GFM1: variants seen among roughly 807,000 people sequenced by gnomAD.
GFM1 encodes G elongation factor mitochondrial 1, also known as elongation factor G, mitochondrial.
A neutral mutation model predicts 96.2 loss-of-function variants in GFM1; 62 were observed. The ratio of observed to expected loss-of-function variants is 0.64; its 90% confidence interval spans 0.53 to 0.80. GFM1 has a LOEUF of 0.80. Ranked by LOEUF, GFM1 falls within the 30% of genes least tolerant of loss-of-function variation. The pLI is 0.00. For synonymous variants in GFM1, 282 were observed against 312.9 expected (o/e 0.90, Z 1.04); for missense variants, 852 against 916.6 (o/e 0.93, Z 0.91).
Position 158,646,274 on chromosome 3 carries a change from A to T in GFM1, c.344A>T (p.Asn115Ile), listed in dbSNP as rs779253646. The T allele has an allele frequency of 6.2e-7, 1 of 1,614,146 alleles. No individual in the cohort carries two copies. The highest frequency in any genetic ancestry group is 1.7e-5 in the Admixed American group (1 of 60,024). ...AATYTMWKDV[N>I]INIIDTPGHV... is the part of the protein sequence containing the mutation. ...ACTTACACCATGTGGAAAGATGTCA[A>T]TATTAACATTATAGATACTCCTGGT... Residue 115 changes from asparagine (N) to isoleucine (I), a missense_variant, in exon 3 of 18, where the codon AAT becomes ATT. Coordinates refer to ENST00000486715, the MANE Select transcript of GFM1 (RefSeq NM_024996.7).
At chr3:158,656,196 C>G (rs953214623) in intron 8 of GFM1, 2 of 226,292 alleles carry the variant, frequency 8.8e-6, no homozygotes, top group East Asian at 1.3e-4. Flanking sequence ...TCTTGTTGCC[C>G]AGGCTGGAGT....
In GFM1 at chr3:158,665,350, A is replaced by C. The variant is rs999686323; in HGVS notation, c.1394A>C (p.Lys465Thr). ...MKPSNKNDLE[K>T]FSKGIGRFTR... ...CTTCTTTTAAAGAACGATCTGGAAA[A>C]ATTTTCAAAAGGTATTGGCAGGTTT... is the stretch of plus-strand genomic sequence containing the variant. The change falls in exon 12 of 18, where the codon AAA becomes ACA. Residue 465 changes from lysine to threonine, a missense_variant. Transcript: ENST00000486715. 1.2e-6 allele frequency: 2 copies of C among 1,610,280 alleles called. No individual in the cohort carries two copies. Among genetic ancestry groups the C allele is most frequent in the Non-Finnish European group, 1.7e-6 (2 of 1,176,846 alleles).
chr3:158,681,979 C>A lies in GFM1; in HGVS notation c.1602-16C>A. 1 of 1,554,826 alleles carries A rather than the reference C, an allele frequency of 6.4e-7. No individual in the cohort carries two copies. The highest frequency in any genetic ancestry group is 1.2e-5 in the South Asian group (1 of 85,198). ...TTACATAATGCTCCATTTTTTTTTT[C>A]CTAAATCACTTTCAGGTTTGACTTT... On this transcript the variant is annotated splice_polypyrimidine_tract_variant and intron_variant, in intron 13 of 17. Transcript: ENST00000486715.
intron 16 of GFM1, chr3:158,690,644 T>C: frequency 2.8e-6 from 1 of 354,066 alleles, no homozygotes; most frequent in South Asian, 2.8e-5. Context: ...TTAGCTTTAT[T>C]TGCATAATTA....
At chr3:158,670,035 A>G (rs1724125192) in intron 13 of GFM1, among the ~76,000 whole-genome samples, 1 of 152,230 alleles carries the variant, frequency 6.6e-6, no homozygotes, top group Admixed American at 6.5e-5. Flanking sequence ...GTGTCTGGAT[A>G]TAAAATTAGA....
chr3:158,650,415 T>A (rs1378234923), intron 5 of GFM1: 2 of 245,380 alleles, frequency 8.2e-6, no homozygotes, highest in Admixed American at 4.6e-5. Context: ...ATATTTCTGT[T>A]GTCAGAAGTA....
intron 2 of GFM1, 89 bp downstream of exon 2, chr3:158,645,870 G>T (rs753680293): frequency 4.8e-6 from 6 of 1,239,606 alleles, no homozygotes; most frequent in Non-Finnish European, 7.1e-6. Context: ...AAACCTGAAA[G>T]ATTAAAACAA....
intron 12 of GFM1, 82 bp from the exon 13 acceptor site, chr3:158,666,222 A>G: frequency 1.1e-6 from 1 of 897,416 alleles, no homozygotes; most frequent in Non-Finnish European, 1.8e-6. Context: ...AGTGAATGCT[A>G]CTAAGATATA....
rs76593298 is a variant in GFM1 at position 158,682,472 on chromosome 3, A to T, written c.1764+315A>T. The T allele has an allele frequency of 6.0e-3, 1,813 of 300,520 alleles. 55 individuals are homozygous for T. In the East Asian group the frequency reaches 0.081, roughly 13 times the overall value. The allele number at this position is 300,520 out of a possible 1,614,324, so 18.6% of individuals were successfully genotyped here. On this transcript the variant is annotated intron_variant, in intron 14 of 17. Coordinates refer to ENST00000486715, the MANE Select transcript of GFM1 (RefSeq NM_024996.7). The stretch of plus-strand genomic sequence containing the variant: ...GTTCTTAGGGATTTATAAGAGTTTT[A>T]TGTGTACTATTGCAGCAGAATGATC...
intron 13 of GFM1, among the ~76,000 whole-genome samples, chr3:158,677,181 G>C (rs895488738): frequency 6.6e-6 from 1 of 152,186 alleles, no homozygotes; most frequent in African/African-American, 2.4e-5. Context: ...ATATAAGATA[G>C]CAAACTTCAT....
At chr3:158,666,803 G>T in intron 13 of GFM1, 1 of 1,525,778 alleles carries the variant, frequency 6.6e-7, no homozygotes, top group Non-Finnish European at 9.1e-7. Flanking sequence ...GGAAAACGTA[G>T]TTGGGTTTAT....
At chr3:158,691,030 G>A in intron 16 of GFM1, 109 bp from the exon 17 acceptor site, 1 of 760,432 alleles carries the variant, frequency 1.3e-6, no homozygotes, top group Non-Finnish European at 2.4e-6. Flanking sequence ...ACTAAGAGTA[G>A]TGAGCAGAAA....
intron 13 of GFM1, among the ~76,000 whole-genome samples, chr3:158,667,479 T>C (rs1723820878): frequency 6.6e-6 from 1 of 152,164 alleles, no homozygotes; most frequent in South Asian, 2.1e-4. Context: ...ATAACAGAAA[T>C]TCTCTTTTTG....
At chr3:158,675,064 G>T (rs1373974287) in intron 13 of GFM1, among the ~76,000 whole-genome samples, 1 of 152,022 alleles carries the variant, frequency 6.6e-6, no homozygotes, top group Non-Finnish European at 1.5e-5. Flanking sequence ...CAACGCAGGT[G>T]GGTCACGAGG....
chr3:158,681,902 A>G, intron 13 of GFM1, 93 bp from the exon 14 acceptor site: 1 of 1,078,536 alleles, frequency 9.3e-7, no homozygotes, highest in Admixed American at 2.2e-5. Context: ...TGAAAAAGTA[A>G]AAATAATCAA....
intron 8 of GFM1, chr3:158,655,946 C>T (rs184797315): frequency 3.2e-4 from 147 of 456,564 alleles, no homozygotes; most frequent in African/African-American, 2.1e-3. Context: ...TTGTTTCTCA[C>T]GAGATTGATA....
At chr3:158,644,979 GGT>G (rs1491388589) in intron 1 of GFM1, 24 of 299,632 alleles carry the variant, frequency 8.0e-5, no homozygotes, top group East Asian at 1.9e-4. Flanking sequence ...CCTTTTCTAA[GGT>G]TTTTTTTTTT....
Position 158,690,033 on chromosome 3 carries a change from C to T in GFM1, c.1910-130C>T, listed in dbSNP as rs1005799415. On this transcript the variant is annotated intron_variant, in intron 15 of 17. Coordinates refer to ENST00000486715, the MANE Select transcript of GFM1 (RefSeq NM_024996.7). ...TACTACAGGAAAAATGAGTCTAGGT[C>T]GAATATTTTAACCTTGCCGTTTGTG... 23 of 760,664 alleles carry T rather than the reference C, an allele frequency of 3.0e-5. No individual in the cohort carries two copies. The African/African-American group carries it at 3.5e-4, about 12-fold the overall frequency. 47.1% of individuals were successfully genotyped at this position (760,664 alleles called of 1,614,324 possible). A position where few individuals can be genotyped will look rare whatever the true frequency, so the allele number is the denominator to read the frequency against.
Position 158,650,135 on chromosome 3 carries a change from T to C in GFM1, c.689+978T>C, listed in dbSNP as rs955466221. 3.2e-6 allele frequency: 4 copies of C among 1,255,926 alleles called. No homozygotes were observed. In the Admixed American group the frequency reaches 5.9e-5, roughly 19 times the overall value. 77.8% of individuals were successfully genotyped at this position (1,255,926 alleles called of 1,614,324 possible). ...AGCCATCTTGTAAGCAGGAAAAGGATGGAGTCTGTCCAGTGGATAAGGTGT... is the reference window on the plus strand; with the variant it reads ...AGCCATCTTGTAAGCAGGAAAAGGACGGAGTCTGTCCAGTGGATAAGGTGT... On this transcript the variant is annotated intron_variant, in intron 5 of 17. Coordinates refer to ENST00000486715, the MANE Select transcript of GFM1 (RefSeq NM_024996.7).
Sources: gnomAD v4.1 joint callset for allele counts (sites outside exome capture counted in the v4.1 genomes callset) on GRCh38, gnomAD v4.1.1 for gene constraint, MANE v1.5 for transcripts, NCBI Gene and HGNC (gene_info 2026-07-23, HGNC 2026-07-21) for gene names.